The following NECTIN1 variants were observed in gnomAD, a reference collection of about 807,000 sequenced individuals.
NECTIN1 encodes nectin-1.
NECTIN1 carries 23 observed loss-of-function variants against 48.0 expected under a neutral mutation model. That is an observed-to-expected ratio of 0.48 (90% CI 0.34 to 0.68). NECTIN1 has a LOEUF of 0.68. NECTIN1 is among the 30% of genes least tolerant of loss of function. NECTIN1 has a pLI of 0.01. For missense variants in NECTIN1, 591 were observed against 709.9 expected, an observed-to-expected ratio of 0.83 and a Z score of 1.90; for synonymous variants, 270 against 288.9, an observed-to-expected ratio of 0.93 and a Z score of 0.66.
chr11:119,712,172 GGTT>G (rs955996555), intron 1 of NECTIN1, among the ~76,000 whole-genome samples: 5 of 152,162 alleles, frequency 3.3e-5, no homozygotes, highest in African/African-American at 1.2e-4. Context: ...CAGATTTGGG[GGTT>G]GTTCTTTTCA....
intron 6 of NECTIN1, chr11:119,639,611 C>T (rs1864293858): frequency 1.8e-6 from 1 of 561,294 alleles, no homozygotes; most frequent in East Asian, 3.0e-5. Context: ...TGCACCTGCT[C>T]CTCTGAGCTG....
chr11:119,652,914 C>A lies in NECTIN1; in HGVS notation c.1004-12902G>T, dbSNP rs557455270. ...ACTGATGGTACAAGAGAGAGGCACA[C>A]TGTGGCCTTTTCACACTTTGGGATA... On this transcript the variant is annotated intron_variant, in intron 5 of 7. Coordinates refer to the NECTIN1 transcript ENST00000341398. 3.9e-5 allele frequency among the ~76,000 whole-genome samples: 6 copies of A among 152,350 alleles called. No individual in the cohort carries two copies. In the South Asian group the frequency reaches 8.3e-4, roughly 21 times the overall value.
intron 1 of NECTIN1, chr11:119,713,609 G>C (rs1408674974): frequency 3.7e-6 from 1 of 272,300 alleles, no homozygotes; most frequent in Non-Finnish European, 7.5e-6. Flanking sequence ...GTGCTCTGGT[G>C]GCTGCTACTG....
intron 5 of NECTIN1, among the ~76,000 whole-genome samples, chr11:119,644,967 C>T (rs1864376463): frequency 6.6e-6 from 1 of 152,182 alleles, no homozygotes; most frequent in African/African-American, 2.4e-5. Context: ...ACAGACACTA[C>T]CTTTCTCATG....
chr11:119,661,090 C>A lies in NECTIN1; in HGVS notation c.*3657G>T. The stretch of plus-strand genomic sequence containing the variant: ...TTAATACAAGTAAAAGGGGGTGATG[C>A]AAACACCCCCCAGGTCAGAACCAGG... On this transcript the variant is annotated 3_prime_UTR_variant, in exon 6 of 6. Transcript: ENST00000264025. The A allele has an allele frequency of 6.1e-6, 6 of 982,126 alleles. No individual in the cohort carries two copies. Among genetic ancestry groups the A allele is most frequent in the Non-Finnish European group, 7.3e-6 (6 of 826,544 alleles). 60.8% of individuals were successfully genotyped at this position (982,126 alleles called of 1,614,324 possible). A position where few individuals can be genotyped will look rare whatever the true frequency, so the allele number is the denominator to read the frequency against.
chr11:119,650,406 C>T (rs57959285), intron 5 of NECTIN1, among the ~76,000 whole-genome samples: 7,883 of 152,202 alleles, frequency 0.052, 685 homozygotes, highest in African/African-American at 0.18. Flanking sequence ...GGAAGTCTTT[C>T]CTCATGAGCC....
At position 119,727,435 on chromosome 11, in the gene NECTIN1, G is replaced by T. The variant is rs569428844; in HGVS notation, c.79+1040C>A. ...TTGCTAGAGCTGCAGGTCGTCTCTG[G>T]TTTCTACCCAGAGAGCTGGAGGAAC... On this transcript the variant is annotated intron_variant, in intron 1 of 5. Transcript: ENST00000264025. The surrounding 1 kb of genome is among the most constrained non-coding windows in gnomAD (Gnocchi z 4.1). Among the ~76,000 whole-genome samples the T allele has an allele frequency of 2.4e-4, 37 of 152,194 alleles. No individual in the cohort carries two copies. The South Asian group carries it at 7.7e-3, about 32-fold the overall frequency.
Position 119,664,123 on chromosome 11 carries a change from AG to A in NECTIN1, c.*623del. 4.1e-6 allele frequency: 4 copies of A among 985,980 alleles called. No homozygotes were observed. Among genetic ancestry groups the A allele is most frequent in the Non-Finnish European group, 4.8e-6 (4 of 830,066 alleles). 61.1% of individuals were successfully genotyped at this position (985,980 alleles called of 1,614,324 possible). On this transcript the variant is annotated 3_prime_UTR_variant, in exon 6 of 6. Coordinates refer to ENST00000264025, the MANE Select transcript of NECTIN1 (RefSeq NM_002855.5). ...AAAAAAATGTAAAACCACCCTCAGC[AG>A]GAAAACACTGCCCAAGGCCCCGCTT...
Position 119,648,976 on chromosome 11 carries a change from G to A in NECTIN1, c.1004-8964C>T, listed in dbSNP as rs142593357. 1.6e-3 allele frequency among the ~76,000 whole-genome samples: 246 copies of A among 152,334 alleles called. 3 individuals carry two copies. The highest frequency in any genetic ancestry group is 5.1e-3 in the African/African-American group (213 of 41,560). On this transcript the variant is annotated intron_variant, in intron 5 of 7. Coordinates refer to the NECTIN1 transcript ENST00000341398. The stretch of plus-strand genomic sequence containing the variant: ...GTGGCAACAGCACTAGAGTAGACGA[G>A]TGGGACTCCTGCCTCACTGGCACTG...
chr11:119,708,635 C>G (rs1865587191), intron 1 of NECTIN1, among the ~76,000 whole-genome samples: 1 of 151,816 alleles, frequency 6.6e-6, no homozygotes, highest in African/African-American at 2.4e-5. Flanking sequence ...TGGGGAGTGA[C>G]TGCTAATGAA....
chr11:119,704,629 T>G (rs1865516328), intron 1 of NECTIN1, among the ~76,000 whole-genome samples: 1 of 152,190 alleles, frequency 6.6e-6, no homozygotes, highest in Non-Finnish European at 1.5e-5. Context: ...CACTGGGTGC[T>G]CCCAGCTTCT....
intron 1 of NECTIN1, among the ~76,000 whole-genome samples, chr11:119,695,489 C>T (rs368753598): frequency 2.6e-5 from 4 of 152,164 alleles, no homozygotes; most frequent in East Asian, 1.9e-4. Context: ...TCACCCCCGA[C>T]GTCCCAGCAC....
intron 7 of NECTIN1, chr11:119,638,678 T>A: frequency 6.6e-7 from 1 of 1,525,402 alleles, no homozygotes; most frequent in Non-Finnish European, 9.0e-7. Flanking sequence ...CATCTCCCAT[T>A]TTTCTCCCTC....
intron 5 of NECTIN1, among the ~76,000 whole-genome samples, chr11:119,668,244 C>T (rs900110662): frequency 3.9e-5 from 6 of 152,204 alleles, no homozygotes; most frequent in African/African-American, 1.4e-4. Context: ...ACTGTCACCA[C>T]CATGGAACTT....
chr11:119,690,282 T>A (rs1384448235), intron 1 of NECTIN1, among the ~76,000 whole-genome samples: 1 of 152,138 alleles, frequency 6.6e-6, no homozygotes, highest in African/African-American at 2.4e-5. Context: ...TCTCTTTCCA[T>A]GTCTCCTGGC....
At chr11:119,720,968 G>C (rs146408361) in intron 1 of NECTIN1, among the ~76,000 whole-genome samples, 3 of 152,270 alleles carry the variant, frequency 2.0e-5, no homozygotes, top group African/African-American at 4.8e-5. Flanking sequence ...CTATAGGTGA[G>C]GGGAAATGCT....
rs1409930284 is a variant in NECTIN1, at chr11:119,728,478, G to C, written c.76C>G (p.Pro26Ala). ...LALGLTAFFL[P>A]GVHSQVVQVN... Reference sequence around the variant, plus strand: ...CAGCAGAGGTGAGCGCTCTTACCTGGGAGGAAGAATGCGGTCAAGCCGAGA... The same window carrying C: ...CAGCAGAGGTGAGCGCTCTTACCTGCGAGGAAGAATGCGGTCAAGCCGAGA... Residue 26 changes from proline to alanine, a missense_variant, in exon 1 of 6, where the codon CCA (proline) becomes GCA (alanine). By Grantham distance (27) the Pro-to-Ala change is conservative. Transcript: ENST00000264025. The C allele has an allele frequency of 6.2e-7, 1 of 1,602,580 alleles. No individual in the cohort carries two copies. Among genetic ancestry groups the C allele is most frequent in the Non-Finnish European group, 8.5e-7 (1 of 1,175,722 alleles).
At position 119,675,119 on chromosome 11, in the gene NECTIN1, C is replaced by A. The variant is rs767995741; in HGVS notation, c.1003+40G>T. On this transcript the variant is annotated intron_variant, in intron 5 of 5. Transcript: ENST00000264025. The stretch of plus-strand genomic sequence containing the variant: ...TGAGGGATGCAGGTGGCGAAGGAAC[C>A]CGTGGGTGCGGAGAGGCTGGGGAGG... 2.5e-6 allele frequency: 4 copies of A among 1,613,080 alleles called. No individual in the cohort carries two copies. In the Admixed American group the frequency reaches 6.7e-5, roughly 27 times the overall value.
rs1864869888 is a variant in NECTIN1, at chr11:119,672,188, C to T, written c.1003+2971G>A. ...CAGACGCCCTGCACCCTGGGATGGACATCCTACACCCTGGCAGCCTCCCTG... is the reference window on the plus strand; with the variant it reads ...CAGACGCCCTGCACCCTGGGATGGATATCCTACACCCTGGCAGCCTCCCTG... On this transcript the variant is annotated intron_variant, in intron 5 of 5. Coordinates refer to ENST00000264025, the MANE Select transcript of NECTIN1 (RefSeq NM_002855.5). This position sits in a 1 kb window ranked among gnomAD's most constrained non-coding sequence, Gnocchi z 4.3. Among the ~76,000 whole-genome samples, 1 of 151,008 alleles carries T rather than the reference C, an allele frequency of 6.6e-6. No individual in the cohort carries two copies. The highest frequency in any genetic ancestry group is 2.5e-5 in the African/African-American group (1 of 40,394).
Sources: allele counts gnomAD v4.1 joint callset (sites outside exome capture counted in the v4.1 genomes callset), GRCh38; gene constraint gnomAD v4.1.1; non-coding constraint Gnocchi (gnomAD v3.1); transcripts MANE v1.5; gene names NCBI Gene and HGNC (gene_info 2026-07-23, HGNC 2026-07-21).